Variants in NTRK3 observed in about 807,000 individuals in gnomAD.
NTRK3 encodes NT-3 growth factor receptor.
Under a neutral mutation model 91.7 loss-of-function variants are expected in NTRK3, and 24 were observed. The observed-to-expected ratio is 0.26, with a 90% confidence interval of 0.19 to 0.37. The LOEUF (loss-of-function observed/expected upper bound fraction) is 0.37, where lower values mean the gene tolerates loss of function less well. Ranked by LOEUF, NTRK3 falls within the 10% of genes least tolerant of loss-of-function variation. The probability of loss-of-function intolerance (pLI) is 1.00; values close to 1 mark genes in which losing one functional copy is unlikely to be tolerated. For missense variants in NTRK3, 880 were observed against 1,068.9 expected (o/e 0.82, Z 2.46); for synonymous variants, 483 against 404.0 (o/e 1.20, Z -2.34).
At chr15:88,167,875 G>T (rs978212130) in intron 5 of NTRK3, among the ~76,000 whole-genome samples, 1 of 152,210 alleles carries the variant, frequency 6.6e-6, no homozygotes, top group African/African-American at 2.4e-5. Flanking sequence ...TATGAGGTAT[G>T]ATCTAGAGCT....
chr15:87,924,513 C>A (rs753715136), intron 17 of NTRK3, among the ~76,000 whole-genome samples: 12 of 152,170 alleles, frequency 7.9e-5, no homozygotes, highest in Non-Finnish European at 1.3e-4. Context: ...ATGTCCTAGA[C>A]ACTCTGTTCT....
chr15:88,144,789 C>G (rs966635786), intron 6 of NTRK3, among the ~76,000 whole-genome samples: 2 of 152,134 alleles, frequency 1.3e-5, no homozygotes, highest in African/African-American at 4.8e-5. Context: ...TGTGCCTCTT[C>G]CTTCTCCTTC....
chr15:88,144,265 A>G (rs950637621), intron 6 of NTRK3: 3 of 152,226 alleles, frequency 2.0e-5, no homozygotes, highest in African/African-American at 7.2e-5. Context: ...GGTTACTCCA[A>G]TGCAAGTCAT....
exon 19 of NTRK3, chr15:87,864,171 T>C: frequency 4.3e-6 from 1 of 232,866 alleles, no homozygotes; most frequent in Non-Finnish European, 8.5e-6. Flanking sequence ...TTCATTTTAA[T>C]TTGACAGTTC....
intron 9 of NTRK3, 68 bp from the exon 10 acceptor site, chr15:88,135,465 C>G (rs1160510568): frequency 1.0e-5 from 16 of 1,546,268 alleles, no homozygotes; most frequent in Non-Finnish European, 1.3e-5. Context: ...AGCCTTCCAG[C>G]AACTAAAATG....
chr15:87,979,619 T>A (rs2074027915), intron 14 of NTRK3, among the ~76,000 whole-genome samples: 2 of 152,236 alleles, frequency 1.3e-5, no homozygotes, highest in South Asian at 4.1e-4. Context: ...GGGGATTAAC[T>A]TAAAACCCTG....
chr15:88,023,929 TC>T, intron 14 of NTRK3, among the ~76,000 whole-genome samples: 1 of 152,340 alleles, frequency 6.6e-6, no homozygotes, highest in African/African-American at 2.4e-5. Context: ...GAGCCCATTT[TC>T]CGTATTTCAT....
At chr15:88,155,577 G>C (rs1316716135) in intron 5 of NTRK3, among the ~76,000 whole-genome samples, 2 of 152,192 alleles carry the variant, frequency 1.3e-5, no homozygotes, top group Non-Finnish European at 2.9e-5. Context: ...GCAGAGGTGA[G>C]CAATTGCAAC....
chr15:88,249,454 G>C (rs2053148029), intron 3 of NTRK3, among the ~76,000 whole-genome samples: 1 of 152,226 alleles, frequency 6.6e-6, no homozygotes, highest in Non-Finnish European at 1.5e-5. Flanking sequence ...GCACTGAGTA[G>C]AAGGCGGCCC....
At chr15:87,861,643 C>T (rs927248395) in exon 19 of NTRK3, 4 of 194,054 alleles carry the variant, frequency 2.1e-5, no homozygotes, top group African/African-American at 2.3e-5. Context: ...TAGCCAGTGC[C>T]GGCTGAGAGT....
intron 13 of NTRK3, among the ~76,000 whole-genome samples, chr15:88,110,296 G>A (rs1405437255): frequency 6.6e-6 from 1 of 152,218 alleles, no homozygotes; most frequent in Non-Finnish European, 1.5e-5. Flanking sequence ...AGGCAGGTCA[G>A]ACCTAGCGTC....
chr15:88,109,890 A>C (rs1043740843), intron 13 of NTRK3, among the ~76,000 whole-genome samples: 1 of 152,206 alleles, frequency 6.6e-6, no homozygotes, highest in African/African-American at 2.4e-5. Flanking sequence ...AGCAAAAATC[A>C]TGATTTCTCC....
intron 18 of NTRK3, 69 bp from the exon 20 acceptor site, chr15:87,877,189 C>CA (rs1179482708): frequency 1.5e-5 from 23 of 1,502,016 alleles, no homozygotes. Context: ...TCAGACTCGG[C>CA]AAAAAGCAAC....
At chr15:88,212,760 A>ACACACACAC (rs2049373897) in intron 3 of NTRK3, among the ~76,000 whole-genome samples, 1 of 92,526 alleles carries the variant, frequency 1.1e-5, no homozygotes, top group African/African-American at 4.0e-5. Flanking sequence ...ACACACACAC[A>ACACACACAC]TCCCAGGCCC....
intron 17 of NTRK3, among the ~76,000 whole-genome samples, chr15:87,903,488 A>G (rs1172815523): frequency 3.3e-5 from 5 of 152,064 alleles, no homozygotes; most frequent in Non-Finnish European, 5.9e-5. Context: ...GGCCCCTTTT[A>G]TCATCCTGTT....
rs368307457 is a variant in NTRK3 at position 87,969,508 on chromosome 15, A to C, written c.1586-28755T>G. 1.4e-3 allele frequency among the ~76,000 whole-genome samples: 220 copies of C among 152,340 alleles called. 3 individuals carry two copies. In the South Asian group the frequency reaches 0.044, roughly 31 times the overall value. The stretch of plus-strand genomic sequence containing the variant: ...CTAATGAGAAAAGTTTTACCAGTTC[A>C]AGGCTGGGGCAGCTAAATAATGGCC... On this transcript the variant is annotated intron_variant, in intron 14 of 18. Transcript: ENST00000394480.
intron 13 of NTRK3, among the ~76,000 whole-genome samples, chr15:88,095,475 T>C (rs1010479592): frequency 6.6e-6 from 1 of 152,214 alleles, no homozygotes; most frequent in Admixed American, 6.5e-5. Flanking sequence ...ATGGCATTTT[T>C]GGGAAACCTG....
chr15:87,890,161 G>C (rs113646358), intron 17 of NTRK3, among the ~76,000 whole-genome samples: 29 of 151,980 alleles, frequency 1.9e-4, no homozygotes, highest in African/African-American at 7.0e-4. Flanking sequence ...GTTCATAAAT[G>C]GTGCTGTTTG....
At chr15:87,944,373 G>T (rs993748695) in intron 14 of NTRK3, among the ~76,000 whole-genome samples, 9 of 152,216 alleles carry the variant, frequency 5.9e-5, no homozygotes, top group African/African-American at 2.2e-4. Context: ...GTAGGGCAAA[G>T]GGAATTAACT....
Sources: allele counts gnomAD v4.1 joint callset (sites outside exome capture counted in the v4.1 genomes callset), GRCh38; gene constraint gnomAD v4.1.1; transcripts MANE v1.5; gene names NCBI Gene and HGNC (gene_info 2026-07-23, HGNC 2026-07-21).